The following INTS9 variants were observed in gnomAD, a reference collection of about 807,000 sequenced individuals.
INTS9 encodes the protein integrator complex subunit 9.
Under a neutral mutation model 79.7 loss-of-function variants are expected in INTS9, and 55 were observed. The observed-to-expected ratio is 0.69, with a 90% CI of 0.56 to 0.86. The LOEUF (loss-of-function observed/expected upper bound fraction) is 0.86, where lower values mean the gene tolerates loss of function less well. Among genes scored for constraint, INTS9 ranks in the 40% least tolerant of loss-of-function variants. The pLI is 0.00. For missense variants in INTS9, 721 were observed against 831.5 expected, an observed-to-expected ratio of 0.87 and a Z score of 1.64; for synonymous variants, 319 against 325.2, an observed-to-expected ratio of 0.98 and a Z score of 0.20.
chr8:28,812,313 G>T lies in INTS9; in HGVS notation c.744+14C>A, dbSNP rs1805196105. The T allele has an allele frequency of 1.9e-6, 3 of 1,612,308 alleles. No homozygotes were observed. The highest frequency in any genetic ancestry group is 2.2e-5 in the East Asian group (1 of 44,844). ...ACCAAAAAGCTGAGTTGCTAGAAGA[G>T]AATTTGGAATTACCTGGGGGTGTGT... On this transcript the variant is annotated intron_variant, in intron 8 of 16. Coordinates refer to ENST00000521022, the MANE Select transcript of INTS9 (RefSeq NM_018250.4).
At chr8:28,878,734 T>C (rs1809533597) in intron 1 of INTS9, among the ~76,000 whole-genome samples, 1 of 151,766 alleles carries the variant, frequency 6.6e-6, no homozygotes, top group South Asian at 2.1e-4. Context: ...TCCCAGCACT[T>C]TGGGAGGCCC....
intron 6 of INTS9, 63 bp downstream of exon 6, chr8:28,835,229 G>C: frequency 9.5e-7 from 1 of 1,054,008 alleles, no homozygotes; most frequent in Non-Finnish European, 1.4e-6. Flanking sequence ...GAAATCAAAT[G>C]AGACTGCTTT....
chr8:28,868,331 T>C (rs1207757397), intron 1 of INTS9, among the ~76,000 whole-genome samples: 1 of 152,238 alleles, frequency 6.6e-6, no homozygotes, highest in Non-Finnish European at 1.5e-5. Context: ...TACTGTAAAG[T>C]AGTTCTGCTG....
intron 16 of INTS9, among the ~76,000 whole-genome samples, chr8:28,768,880 C>T (rs1007775787): frequency 6.6e-6 from 1 of 152,206 alleles, no homozygotes; most frequent in African/African-American, 2.4e-5. Context: ...GGGGAGGCCA[C>T]CTGTACTTCA....
intron 11 of INTS9, among the ~76,000 whole-genome samples, chr8:28,783,114 C>T (rs1335318905): frequency 1.4e-5 from 2 of 141,624 alleles, no homozygotes. Flanking sequence ...CACTGCACTC[C>T]AGCCTGGGCG....
intron 8 of INTS9, among the ~76,000 whole-genome samples, chr8:28,798,930 G>A (rs185247217): frequency 4.3e-4 from 66 of 152,268 alleles, no homozygotes; most frequent in Admixed American, 7.2e-4. Context: ...GCACCACTGC[G>A]CTTTAGCCTG....
intron 14 of INTS9, among the ~76,000 whole-genome samples, chr8:28,773,236 G>GGT (rs1802654261): frequency 6.6e-6 from 1 of 152,146 alleles, no homozygotes; most frequent in African/African-American, 2.4e-5. Flanking sequence ...GGCCAAGGCG[G>GGT]GTGGATCACA....
intron 1 of INTS9, among the ~76,000 whole-genome samples, chr8:28,881,433 G>C (rs1407283490): frequency 6.7e-6 from 1 of 149,490 alleles, no homozygotes; most frequent in Non-Finnish European, 1.5e-5. Context: ...GAGGTGGGGG[G>C]GTCAGCCCCC....
chr8:28,876,295 G>C (rs1809381795), intron 1 of INTS9, among the ~76,000 whole-genome samples: 1 of 152,032 alleles, frequency 6.6e-6, no homozygotes, highest in African/African-American at 2.4e-5. Context: ...ATTTCTATGA[G>C]TCTGTTATGC....
intron 1 of INTS9, among the ~76,000 whole-genome samples, chr8:28,883,252 T>C (rs1196552927): frequency 2.0e-5 from 3 of 152,228 alleles, no homozygotes; most frequent in Non-Finnish European, 4.4e-5. Context: ...AGCAACACCA[T>C]AGATCTTTTA....
At chr8:28,797,779 C>T (rs551514121) in intron 8 of INTS9, among the ~76,000 whole-genome samples, 11 of 152,206 alleles carry the variant, frequency 7.2e-5, no homozygotes, top group African/African-American at 2.6e-4. Flanking sequence ...CCCAGTGGAT[C>T]GTCAGAAGAA....
chr8:28,862,022 C>T, intron 1 of INTS9: 3 of 962,474 alleles, frequency 3.1e-6, no homozygotes, highest in Non-Finnish European at 3.7e-6. Context: ...CTCATGCTTC[C>T]CAAACTGCAC....
chr8:28,851,659 G>A (rs1306942964), intron 2 of INTS9, among the ~76,000 whole-genome samples: 2 of 151,672 alleles, frequency 1.3e-5, no homozygotes, highest in Non-Finnish European at 2.9e-5. Context: ...GGATGGTCTC[G>A]ATCTCCTGAC....
intron 3 of INTS9, among the ~76,000 whole-genome samples, chr8:28,849,399 C>A (rs1270927368): frequency 6.6e-6 from 1 of 151,898 alleles, no homozygotes; most frequent in Admixed American, 6.6e-5. Flanking sequence ...ATTTAATAGC[C>A]TCAAAGAGAA....
At chr8:28,795,942 C>T (rs1041437175) in intron 9 of INTS9, among the ~76,000 whole-genome samples, 1 of 152,106 alleles carries the variant, frequency 6.6e-6, no homozygotes, top group African/African-American at 2.4e-5. Flanking sequence ...TAGAAAATGC[C>T]CCATACCTCT....
chr8:28,775,520 TAG>T (rs1826415302), intron 14 of INTS9, among the ~76,000 whole-genome samples: 1 of 152,130 alleles, frequency 6.6e-6, no homozygotes, highest in Non-Finnish European at 1.5e-5. Context: ...GTATTTTTAG[TAG>T]AGATGGGGTT....
intron 1 of INTS9, among the ~76,000 whole-genome samples, chr8:28,884,613 AG>A (rs1810089225): frequency 6.6e-6 from 1 of 152,226 alleles, no homozygotes; most frequent in African/African-American, 2.4e-5. Flanking sequence ...TATGTAACTT[AG>A]CCTTATGTCA....
At chr8:28,810,262 ATCT>A in intron 8 of INTS9, 1 of 157,708 alleles carries the variant, frequency 6.3e-6, no homozygotes, top group East Asian at 1.8e-4. Context: ...GACCAAGCCA[ATCT>A]TCTGGAAAAA....
intron 10 of INTS9, among the ~76,000 whole-genome samples, chr8:28,790,315 A>C (rs241181): frequency 0.82 from 124,889 of 152,138 alleles, 51,503 homozygotes; most frequent in African/African-American, 0.88. Context: ...GCTAGCAGCT[A>C]TCCATTTTGG....
Sources: gnomAD v4.1 joint callset for allele counts (sites outside exome capture counted in the v4.1 genomes callset) on GRCh38, gnomAD v4.1.1 for gene constraint, MANE v1.5 for transcripts, NCBI Gene and HGNC (gene_info 2026-07-23, HGNC 2026-07-21) for gene names.